The following EFCAB10 variants were observed in gnomAD, a reference collection of about 807,000 sequenced individuals.
The protein encoded by EFCAB10 is EF-hand calcium binding domain 10.
A neutral mutation model predicts 7.7 loss-of-function variants in EFCAB10; 7 were observed. The observed-to-expected ratio is 0.91, with a 90% CI of 0.52 to 1.72. The LOEUF is 1.72. Among genes scored for constraint, EFCAB10 ranks in the 40% most tolerant of loss-of-function variants. The pLI, the probability that EFCAB10 is intolerant of heterozygous loss-of-function variation, is 0.00. For synonymous variants in EFCAB10, 52 were observed against 21.0 expected (o/e 2.47, Z -4.03); for missense variants, 112 against 61.5 (o/e 1.82, Z -2.74).
intron 4 of EFCAB10, chr7:105,565,725 C>A: frequency 3.1e-6 from 3 of 969,432 alleles, no homozygotes; most frequent in Non-Finnish European, 4.7e-6. Flanking sequence ...CTTTAGGGTT[C>A]TGGAGATGTT....
At chr7:105,567,134 T>C (rs1791797342) in intron 4 of EFCAB10, 2 of 1,574,698 alleles carry the variant, frequency 1.3e-6, no homozygotes, top group South Asian at 2.4e-5. Context: ...AAGAAGCCTG[T>C]ATTGTTTTGA....
At chr7:105,575,372 A>C (rs1792052063) in intron 1 of EFCAB10, among the ~76,000 whole-genome samples, 1 of 152,040 alleles carries the variant, frequency 6.6e-6, no homozygotes, top group African/African-American at 2.4e-5. Flanking sequence ...GCAGTGGTGC[A>C]ATCTTGGCTT....
Position 105,567,172 on chromosome 7 carries a change from T to C in EFCAB10, c.383+295A>G. 1 of 1,606,816 alleles carries C rather than the reference T, an allele frequency of 6.2e-7. No homozygotes were observed. The highest frequency in any genetic ancestry group is 1.1e-5 in the South Asian group (1 of 88,924). On this transcript the variant is annotated intron_variant, in intron 4 of 4. Coordinates refer to ENST00000480514, the MANE Select transcript of EFCAB10 (RefSeq NM_001355526.2). ...TTGAACGTCGGTTCTGCACTACTGC[T>C]GAAAGATGTACTGCAGTCAGCTTCA...
chr7:105,565,767 A>G (rs1414706353), intron 4 of EFCAB10: 1 of 660,882 alleles, frequency 1.5e-6, no homozygotes, highest in African/African-American at 1.8e-5. Flanking sequence ...AAATTTTAAA[A>G]CATTGTCTAT....
chr7:105,567,419 A>G (rs551956059), intron 4 of EFCAB10, 48 bp downstream of exon 4: 67 of 791,406 alleles, frequency 8.5e-5, no homozygotes, highest in Non-Finnish European at 1.2e-4. Flanking sequence ...GGAAAACTTT[A>G]TAGAATTACT....
chr7:105,567,521 T>C, intron 3 of EFCAB10, 31 bp from the exon 4 acceptor site: 2 of 688,538 alleles, frequency 2.9e-6, no homozygotes, highest in Non-Finnish European at 5.2e-6. Flanking sequence ...AACGAAACAA[T>C]GAAAACTCAA....
Position 105,567,466 on chromosome 7 carries a change from C to T in EFCAB10, c.383+1G>A. ...ATTTATGGTGTTATTAAAATGCTGA[C>T]CATATTTCCTTCATCCTCTTGTTCC... On this transcript the variant is annotated splice_donor_variant, in intron 4 of 4. Transcript: ENST00000480514. LOFTEE classifies it high-confidence loss of function. The T allele has an allele frequency of 1.4e-6, 1 of 717,182 alleles. No individual in the cohort carries two copies. The highest frequency in any genetic ancestry group is 1.5e-5 in the South Asian group (1 of 66,900). 44.4% of individuals were successfully genotyped at this position (717,182 alleles called of 1,614,324 possible). A position where few individuals can be genotyped will look rare whatever the true frequency, so the allele number is the denominator to read the frequency against.
At chr7:105,573,490 T>A (rs1170710596) in intron 1 of EFCAB10, 1 of 152,226 alleles carries the variant, frequency 6.6e-6, no homozygotes, top group Non-Finnish European at 1.5e-5. Flanking sequence ...ATGTTTATGT[T>A]TGGAGACTAC....
chr7:105,574,460 C>G (rs1393619743), intron 1 of EFCAB10, among the ~76,000 whole-genome samples: 1 of 151,392 alleles, frequency 6.6e-6, no homozygotes, highest in Non-Finnish European at 1.5e-5. Context: ...TGGATGGCAG[C>G]AGGCAAAGAG....
intron 4 of EFCAB10, 32 bp from the exon 5 acceptor site, chr7:105,565,479 T>C: frequency 6.2e-7 from 1 of 1,611,818 alleles, no homozygotes. Context: ...TAGACTGTTT[T>C]TGGGCTGTGA....
At chr7:105,579,307 G>C (rs1792165205) in intron 1 of EFCAB10, among the ~76,000 whole-genome samples, 1 of 152,162 alleles carries the variant, frequency 6.6e-6, no homozygotes, top group African/African-American at 2.4e-5. Context: ...AATAACCACT[G>C]TGTAGCTATC....
At chr7:105,579,026 G>A (rs1412151994) in intron 1 of EFCAB10, among the ~76,000 whole-genome samples, 1 of 152,168 alleles carries the variant, frequency 6.6e-6, no homozygotes, top group Non-Finnish European at 1.5e-5. Flanking sequence ...ACCCGCCTTG[G>A]CCTCTCAAAG....
At chr7:105,570,258 T>A (rs1791911659) in intron 1 of EFCAB10, among the ~76,000 whole-genome samples, 2 of 96,276 alleles carry the variant, frequency 2.1e-5, no homozygotes, top group East Asian at 2.7e-4. Context: ...TATATATATA[T>A]ATATATATAT....
Position 105,567,302 on chromosome 7 carries a change from T to C in EFCAB10, c.383+165A>G, listed in dbSNP as rs36058979. ...ATTTGAGGACAAATTGGCCTAATAC[T>C]GGAAAATAATGTCTTTCAGAAAAAG... On this transcript the variant is annotated intron_variant, in intron 4 of 4. Coordinates refer to ENST00000480514, the MANE Select transcript of EFCAB10 (RefSeq NM_001355526.2). The C allele has an allele frequency of 2.7e-3, 4,357 of 1,586,976 alleles. 110 individuals carry two copies. In the African/African-American group the frequency reaches 0.054, roughly 20 times the overall value.
At position 105,565,407 on chromosome 7, in the gene EFCAB10, AT is replaced by A. The variant is rs2133477788; in HGVS notation, c.*39del. ...GCAGCTTTGTTTCTCCTTATTTAAA[AT>A]TTTCTGGCAAATGCTTGTAGAGAAG... is the stretch of plus-strand genomic sequence containing the variant. On this transcript the variant is annotated 3_prime_UTR_variant, in exon 5 of 5. Coordinates refer to ENST00000480514, the MANE Select transcript of EFCAB10 (RefSeq NM_001355526.2). 6.2e-7 allele frequency: 1 copy of A among 1,614,162 alleles called. No homozygotes were observed. The highest frequency in any genetic ancestry group is 1.1e-5 in the South Asian group (1 of 91,090).
intron 4 of EFCAB10, chr7:105,567,052 C>T (rs1791789635): frequency 1.9e-6 from 2 of 1,046,044 alleles, no homozygotes; most frequent in Admixed American, 5.5e-5. Context: ...TTAGGATTCT[C>T]AAAATTGTAA....
chr7:105,573,326 G>A (rs530917152), intron 1 of EFCAB10: 1 of 152,250 alleles, frequency 6.6e-6, no homozygotes, highest in East Asian at 1.9e-4. Flanking sequence ...ATCAAATTCA[G>A]AAACTGGAAA....
At chr7:105,567,213 A>G (rs557533198) in intron 4 of EFCAB10, 2 of 1,613,368 alleles carry the variant, frequency 1.2e-6, no homozygotes, top group South Asian at 2.2e-5. Flanking sequence ...GCTTCCTGCC[A>G]CAGCAGCATT....
chr7:105,569,932 T>C (rs1290810801), intron 1 of EFCAB10, among the ~76,000 whole-genome samples: 3 of 151,858 alleles, frequency 2.0e-5, no homozygotes, highest in South Asian at 2.1e-4. Flanking sequence ...TGATAAGATA[T>C]AAATAATAGG....
Sources: gnomAD v4.1 joint callset for allele counts (sites outside exome capture counted in the v4.1 genomes callset) on GRCh38, gnomAD v4.1.1 for gene constraint, MANE v1.5 for transcripts, NCBI Gene and HGNC (gene_info 2026-07-23, HGNC 2026-07-21) for gene names.